Variants in TECR observed in about 807,000 individuals in gnomAD.
TECR encodes the protein very-long-chain enoyl-CoA reductase.
TECR carries 19 observed loss-of-function variants against 50.6 expected under a neutral mutation model. That is an observed-to-expected ratio of 0.38 (90% CI 0.26 to 0.55). The LOEUF (loss-of-function observed/expected upper bound fraction) is 0.55. Ranked by LOEUF, TECR falls within the 20% of genes least tolerant of loss-of-function variation. The pLI, the probability that TECR is intolerant of heterozygous loss-of-function variation, is 0.79. For synonymous variants in TECR, 168 were observed against 163.5 expected (o/e 1.03, Z -0.21); for missense variants, 313 against 408.3 (o/e 0.77, Z 2.01).
chr19:14,563,169 C>G lies in TECR; in HGVS notation c.67-37C>G, dbSNP rs748960213. ...CTCCCCATCCTGAGTCTGGGCTCCC[C>G]GCAGAGCTGACGTCCCTGCGCCTGT... On this transcript the variant is annotated intron_variant, in intron 2 of 12. Coordinates refer to ENST00000215567, the MANE Select transcript of TECR (RefSeq NM_138501.6). The surrounding 1 kb of genome is among the most constrained non-coding windows in gnomAD (Gnocchi z 5.3). The G allele has an allele frequency of 1.9e-6, 3 of 1,613,722 alleles. No homozygotes were observed. Among genetic ancestry groups the G allele is most frequent in the Non-Finnish European group, 1.7e-6 (2 of 1,179,856 alleles).
chr19:14,564,763 A>G, intron 7 of TECR, 23 bp from the exon 8 acceptor site: 1 of 1,605,842 alleles, frequency 6.2e-7, no homozygotes, highest in Non-Finnish European at 8.5e-7. Flanking sequence ...CCCAAGTCCC[A>G]TCCCTGCCCT....
At chr19:14,559,095 C>T (rs1354426656) in intron 1 of TECR, among the ~76,000 whole-genome samples, 1 of 152,190 alleles carries the variant, frequency 6.6e-6, no homozygotes, top group Non-Finnish European at 1.5e-5. Flanking sequence ...TGGGGAACCT[C>T]TCCTGCTCCT....
In TECR at chr19:14,563,056, C is replaced by G; in HGVS notation, c.67-150C>G. Reference sequence around the variant, plus strand: ...ACTGGCAGGGCCCTCGGTGGTCCTTCCCTGACTGCAGGCAGAGGCCTGGAC... The same window carrying G: ...ACTGGCAGGGCCCTCGGTGGTCCTTGCCTGACTGCAGGCAGAGGCCTGGAC... On this transcript the variant is annotated intron_variant, in intron 2 of 12. Transcript: ENST00000215567. The surrounding 1 kb of genome is among the most constrained non-coding windows in gnomAD (Gnocchi z 5.3). 1.0e-6 allele frequency: 1 copy of G among 967,292 alleles called. No individual in the cohort carries two copies. Among genetic ancestry groups the G allele is most frequent in the Admixed American group, 2.2e-5 (1 of 45,322 alleles). The allele number at this position is 967,292 out of a possible 1,614,324, so 59.9% of individuals were successfully genotyped here.
intron 1 of TECR, among the ~76,000 whole-genome samples, chr19:14,539,686 A>G (rs979544896): frequency 1.3e-5 from 2 of 151,952 alleles, no homozygotes; most frequent in Non-Finnish European, 2.9e-5. Context: ...AGCACATGCT[A>G]TTCCCTCGGC....
At chr19:14,558,906 C>T (rs2146621568) in intron 1 of TECR, among the ~76,000 whole-genome samples, 1 of 152,362 alleles carries the variant, frequency 6.6e-6, no homozygotes, top group Admixed American at 6.5e-5. Context: ...CTCTGTTCAG[C>T]AGCTGCCTGT....
At chr19:14,564,330 G>GCCCCA in intron 7 of TECR, 43 bp downstream of exon 7, 3 of 1,324,530 alleles carry the variant, frequency 2.3e-6, no homozygotes, top group Non-Finnish European at 3.0e-6. Flanking sequence ...CCGCCTTTCT[G>GCCCCA]CCCCACCCCG....
At position 14,558,369 on chromosome 19, in the gene TECR, C is replaced by G. The variant is rs190174269; in HGVS notation, c.16-4156C>G. Among the ~76,000 whole-genome samples the G allele has an allele frequency of 3.3e-3, 508 of 152,320 alleles. 2 individuals carry two copies. Among genetic ancestry groups the G allele is most frequent in the East Asian group, 0.023 (119 of 5,172 alleles). ...AAGACGGGCTCTGTTGCTTGCGGCA[C>G]TCCCCTCTGGGCTTGGGAGGCACAA... On this transcript the variant is annotated intron_variant, in intron 1 of 12. Coordinates refer to ENST00000215567, the MANE Select transcript of TECR (RefSeq NM_138501.6).
At chr19:14,565,159 TGGGTGAGG>T in intron 10 of TECR, 35 bp from the exon 11 acceptor site, 1 of 1,613,798 alleles carries the variant, frequency 6.2e-7, no homozygotes, top group South Asian at 1.1e-5. Context: ...ACAGCTGGGC[TGGGTGAGG>T]GGGTCTGACT....
Position 14,559,473 on chromosome 19 carries a change from C to G in TECR, c.16-3052C>G, listed in dbSNP as rs376906187. Reference sequence around the variant, plus strand: ...ATTTCTTTTACCCCACCTGGAATATCTTATTTAACTTTCTTACTTAGAAAT... The same window carrying G: ...ATTTCTTTTACCCCACCTGGAATATGTTATTTAACTTTCTTACTTAGAAAT... On this transcript the variant is annotated intron_variant, in intron 1 of 12. Coordinates refer to ENST00000215567, the MANE Select transcript of TECR (RefSeq NM_138501.6). Among the ~76,000 whole-genome samples, 79 of 152,204 alleles carry G rather than the reference C, an allele frequency of 5.2e-4. 3 individuals are homozygous for G. In the East Asian group the frequency reaches 9.8e-3, roughly 19 times the overall value.
At chr19:14,547,533 TG>T (rs1306042309) in intron 1 of TECR, among the ~76,000 whole-genome samples, 7 of 152,280 alleles carry the variant, frequency 4.6e-5, no homozygotes, top group East Asian at 1.9e-4. Flanking sequence ...GCTAATTTTT[TG>T]TATTTTCAGT....
At chr19:14,533,854 G>A (rs941774023) in intron 1 of TECR, 2 of 152,132 alleles carry the variant, frequency 1.3e-5, no homozygotes, top group Non-Finnish European at 2.9e-5. Context: ...GAGCTAGGTC[G>A]GTAAGCGAAC....
Position 14,563,608 on chromosome 19 carries a change from G to A in TECR, c.119-50G>A, listed in dbSNP as rs377013929. The A allele has an allele frequency of 9.9e-6, 16 of 1,608,862 alleles. No homozygotes were observed. In the Admixed American group the frequency reaches 1.3e-4, roughly 13 times the overall value. ...TGGCACAGTGGCTGGGCAGCGGACC[G>A]GCTGAGCCCTGCCAGGCTGTGGGCT... On this transcript the variant is annotated intron_variant, in intron 3 of 12. Transcript: ENST00000215567. This position sits in a 1 kb window ranked among gnomAD's most constrained non-coding sequence, Gnocchi z 5.3.
In TECR at chr19:14,565,973, C is replaced by T; in HGVS notation, c.*102C>T. 6.4e-7 allele frequency: 1 copy of T among 1,553,514 alleles called. No individual in the cohort carries two copies. The highest frequency in any genetic ancestry group is 8.7e-7 in the Non-Finnish European group (1 of 1,150,016). On this transcript the variant is annotated 3_prime_UTR_variant, in exon 13 of 13. Coordinates refer to ENST00000215567, the MANE Select transcript of TECR (RefSeq NM_138501.6). ...CACCCGGAATAAAGCCCGCCTGCCC[C>T]AGTCGGACTCGGGCTCTGTGTGTTT...
In TECR at chr19:14,543,319, T is replaced by C. The variant is rs550973060; in HGVS notation, c.15+13608T>C. On this transcript the variant is annotated intron_variant, in intron 1 of 12. Transcript: ENST00000215567. Reference sequence around the variant, plus strand: ...GGGTGGGGGTGTGTGTGTGTGCAGATACTGGAATTCCTGAGGAGACATGTA... The same window carrying C: ...GGGTGGGGGTGTGTGTGTGTGCAGACACTGGAATTCCTGAGGAGACATGTA... 9.3e-4 allele frequency among the ~76,000 whole-genome samples: 134 copies of C among 144,512 alleles called. 7 individuals are homozygous for C. The South Asian group carries it at 0.028, about 30-fold the overall frequency. The allele number at this position is 144,512 out of a possible 152,430, so 94.8% of individuals were successfully genotyped here.
chr19:14,536,168 G>T (rs959215790), intron 1 of TECR, among the ~76,000 whole-genome samples: 1 of 152,134 alleles, frequency 6.6e-6, no homozygotes, highest in African/African-American at 2.4e-5. Flanking sequence ...TGGGAAGGTG[G>T]CAATGCTTAC....
At chr19:14,551,039 C>T (rs1011297747) in intron 1 of TECR, among the ~76,000 whole-genome samples, 1 of 151,920 alleles carries the variant, frequency 6.6e-6, no homozygotes, top group African/African-American at 2.4e-5. Context: ...ATAATGTCAT[C>T]TTAAGATCCT....
chr19:14,561,413 C>A (rs1042857016), intron 1 of TECR, among the ~76,000 whole-genome samples: 5 of 152,128 alleles, frequency 3.3e-5, no homozygotes, highest in East Asian at 1.9e-4. Context: ...TGGGTCAGAT[C>A]CCCGGGGGCT....
At chr19:14,542,145 A>G (rs531097339) in intron 1 of TECR, among the ~76,000 whole-genome samples, 1 of 151,810 alleles carries the variant, frequency 6.6e-6, no homozygotes, top group Non-Finnish European at 1.5e-5. Flanking sequence ...TATTGTTTTT[A>G]GTAGAGATGG....
In TECR at chr19:14,543,419, ATTTTTTTTTTTTTTTTTTT is replaced by A. The variant is rs1169742953; in HGVS notation, c.15+13727_15+13745del. 7.7e-3 allele frequency among the ~76,000 whole-genome samples: 169 copies of A among 21,818 alleles called. 4 individuals carry two copies. The highest frequency in any genetic ancestry group is 0.011 in the African/African-American group (43 of 4,060). 14.3% of individuals were successfully genotyped at this position (21,818 alleles called of 152,430 possible). A position where few individuals can be genotyped will look rare whatever the true frequency, so the allele number is the denominator to read the frequency against. On this transcript the variant is annotated intron_variant, in intron 1 of 12. Coordinates refer to ENST00000215567, the MANE Select transcript of TECR (RefSeq NM_138501.6). ...TATATATATATATATATATATATAT[ATTTTTTTTTTTTTTTTTTT>A]TTTTTTTTTTTTTTTTTTGAGACGG...
Sources: gnomAD v4.1 joint callset for allele counts (sites outside exome capture counted in the v4.1 genomes callset) on GRCh38, gnomAD v4.1.1 for gene constraint, Gnocchi (gnomAD v3.1) non-coding constraint, MANE v1.5 for transcripts, NCBI Gene and HGNC (gene_info 2026-07-23, HGNC 2026-07-21) for gene names.